The following DSG4 variants were observed in gnomAD, a reference collection of about 807,000 sequenced individuals.
The protein encoded by DSG4 is desmoglein-4.
A neutral mutation model predicts 93.1 loss-of-function variants in DSG4; 87 were observed. The ratio of observed to expected loss-of-function variants is 0.93; its 90% CI spans 0.79 to 1.12. The LOEUF is 1.12. Among genes scored for constraint, DSG4 ranks in the 50% most tolerant of loss-of-function variants. The pLI is 0.00. For synonymous variants in DSG4, 432 were observed against 452.9 expected (o/e 0.95, Z 0.59); for missense variants, 1,373 against 1,285.7 (o/e 1.07, Z -1.04).
At chr18:31,396,354 CTTTT>C (rs71383035) in intron 8 of DSG4, among the ~76,000 whole-genome samples, 9 of 74,008 alleles carry the variant, frequency 1.2e-4, no homozygotes, top group East Asian at 1.1e-3. Flanking sequence ...AGGGTCATTG[CTTTT>C]TTTTTTTTTT....
chr18:31,381,278 G>A (rs150519683), intron 1 of DSG4, among the ~76,000 whole-genome samples: 1 of 152,084 alleles, frequency 6.6e-6, no homozygotes, highest in South Asian at 2.1e-4. Context: ...GAAGCTGCCA[G>A]CCACTACATT....
At position 31,392,146 on chromosome 18, in the gene DSG4, G is replaced by T; in HGVS notation, c.820-9G>T. 6.2e-7 allele frequency: 1 copy of T among 1,613,114 alleles called. No individual in the cohort carries two copies. Among genetic ancestry groups the T allele is most frequent in the Non-Finnish European group, 8.5e-7 (1 of 1,179,404 alleles). On this transcript the variant is annotated splice_polypyrimidine_tract_variant and intron_variant, in intron 7 of 15. Coordinates refer to ENST00000308128, the MANE Select transcript of DSG4 (RefSeq NM_177986.5). Reference sequence around the variant, plus strand: ...TTCATTGACTACAAAATTGATCCTTGCATTTTAGTACTCAGCCAGTATTGA... The same window carrying T: ...TTCATTGACTACAAAATTGATCCTTTCATTTTAGTACTCAGCCAGTATTGA...
chr18:31,402,120 A>G (rs2072374559), intron 10 of DSG4, among the ~76,000 whole-genome samples: 1 of 152,246 alleles, frequency 6.6e-6, no homozygotes, highest in African/African-American at 2.4e-5. Flanking sequence ...ATTCCAAGCA[A>G]ATAAAGAGAG....
In DSG4 at chr18:31,413,608, C is replaced by A; in HGVS notation, c.*13C>A. On this transcript the variant is annotated 3_prime_UTR_variant, in exon 16 of 16. Transcript: ENST00000308128. ...CACCCAACAGTAAGTGCTTTATGGT[C>A]AGTATTCTATGTGGAGACCTTGCAC... 3 of 1,611,440 alleles carry A rather than the reference C, an allele frequency of 1.9e-6. No individual in the cohort carries two copies. The South Asian group carries it at 3.3e-5, about 18-fold the overall frequency.
chr18:31,391,265 C>T, intron 7 of DSG4, 53 bp downstream of exon 7: 1 of 1,607,806 alleles, frequency 6.2e-7, no homozygotes, highest in Non-Finnish European at 8.5e-7. Context: ...AATCAATTTG[C>T]ATAAGTGTCA....
In DSG4 at chr18:31,411,269, G is replaced by C; in HGVS notation, c.2176G>C (p.Glu726Gln). 1 of 1,614,162 alleles carries C rather than the reference G, an allele frequency of 6.2e-7. No homozygotes were observed. The change falls in exon 15 of 16, where the codon GAA (glutamate) becomes CAA (glutamine). Residue 726 changes from glutamate (E) to glutamine (Q), a missense_variant. By Grantham distance (29) the Glu-to-Gln change is conservative. Transcript: ENST00000308128. ...TNTYAAGGTVEGGVSGVELNT... is the reference protein window; with the variant it reads ...TNTYAAGGTVQGGVSGVELNT... ...CACCTATGCAGCCGGGGGCACGGTG[G>C]AAGGAGGTGTATCGGGAGTGGAGCT...
At chr18:31,386,852 T>C (rs2072194021) in intron 3 of DSG4, 33 bp downstream of exon 3, 1 of 1,611,794 alleles carries the variant, frequency 6.2e-7, no homozygotes, top group African/African-American at 1.3e-5. Context: ...GACAAATGCT[T>C]TTGCAGAGCA....
chr18:31,406,730 G>A (rs2072431523), intron 12 of DSG4, among the ~76,000 whole-genome samples: 1 of 152,028 alleles, frequency 6.6e-6, no homozygotes, highest in African/African-American at 2.4e-5. Flanking sequence ...TTTTGGAAAA[G>A]TGGATTTTGA....
chr18:31,390,957 C>A, intron 6 of DSG4, 121 bp from the exon 7 acceptor site: 1 of 1,503,178 alleles, frequency 6.7e-7, no homozygotes, highest in Non-Finnish European at 9.0e-7. Context: ...AAATTAAAAG[C>A]TCAATTATAT....
intron 14 of DSG4, chr18:31,410,998 A>C: frequency 7.9e-7 from 1 of 1,262,386 alleles, no homozygotes; most frequent in Non-Finnish European, 1.1e-6. Flanking sequence ...AAGTCTGTGC[A>C]AATGTGGGAA....
chr18:31,411,189 A>C (rs373052321), intron 14 of DSG4, 42 bp from the exon 15 acceptor site: 2 of 1,614,158 alleles, frequency 1.2e-6, no homozygotes, highest in Non-Finnish European at 1.7e-6. Flanking sequence ...TGCGCGCTGC[A>C]GGCAACTCCA....
intron 1 of DSG4, among the ~76,000 whole-genome samples, chr18:31,383,161 C>T (rs977852881): frequency 6.6e-6 from 1 of 152,218 alleles, no homozygotes; most frequent in African/African-American, 2.4e-5. Context: ...TGAGCATTTG[C>T]TGTGCCTATC....
chr18:31,410,709 G>T (rs1272298168), intron 14 of DSG4, among the ~76,000 whole-genome samples: 1 of 152,154 alleles, frequency 6.6e-6, no homozygotes, highest in Non-Finnish European at 1.5e-5. Flanking sequence ...AACAGAGAGG[G>T]TGCTTAATTC....
At position 31,403,423 on chromosome 18, in the gene DSG4, T is replaced by C; in HGVS notation, c.1425T>C (p.Ser475=). 1 of 1,612,262 alleles carries C rather than the reference T, an allele frequency of 6.2e-7. No homozygotes were observed. The highest frequency in any genetic ancestry group is 1.1e-5 in the South Asian group (1 of 90,776). ...TGACCCTTACTCTTTCAGATGGCTC[T>C]GGAAAAACAGCTACAGGAACCATAT... ...TAEILAIDDG[S]GKTATGTICI... is the part of the protein sequence containing the mutation. Residue 475 remains serine (S), a synonymous_variant, in exon 11 of 16, where the codon TCT becomes TCC. Transcript: ENST00000308128.
In DSG4 at chr18:31,400,886, T is replaced by A. The variant is rs764957673; in HGVS notation, c.1283T>A (p.Ile428Asn). 1 of 1,612,132 alleles carries A rather than the reference T, an allele frequency of 6.2e-7. No individual in the cohort carries two copies. The highest frequency in any genetic ancestry group is 1.3e-5 in the African/African-American group (1 of 74,830). ...TGNPATDVRY[I>N]IGHDAGSWLK... ...ACTTTTTTATTTAAAAACAGATATATCATAGGGCATGATGCAGGCAGCTGG... is the reference window on the plus strand; with the variant it reads ...ACTTTTTTATTTAAAAACAGATATAACATAGGGCATGATGCAGGCAGCTGG... The change falls in exon 10 of 16, where the codon ATC becomes AAC. Residue 428 changes from isoleucine (I) to asparagine (N), a missense_variant. By Grantham distance (149) the Ile-to-Asn change is moderately radical. Transcript: ENST00000308128.
rs267606775 is a variant in DSG4, at chr18:31,390,712, T to A, written c.574T>A (p.Ser192Thr). ...TGCAGATGAAGAAAATCATCTGAAT[T>A]CTAAAATTGCCTACAAGATCGTCTC... ...TDADEENHLNSKIAYKIVSQE... is the reference protein window; with the variant it reads ...TDADEENHLNTKIAYKIVSQE... The change falls in exon 6 of 16, where the codon TCT (serine) becomes ACT (threonine). Residue 192 changes from serine to threonine, a missense_variant. Coordinates refer to ENST00000308128, the MANE Select transcript of DSG4 (RefSeq NM_177986.5). The A allele has an allele frequency of 6.2e-7, 1 of 1,613,750 alleles. No individual in the cohort carries two copies. The highest frequency in any genetic ancestry group is 8.5e-7 in the Non-Finnish European group (1 of 1,179,772).
At chr18:31,388,324 T>C in intron 3 of DSG4, 43 bp from the exon 4 acceptor site, 6 of 1,608,698 alleles carry the variant, frequency 3.7e-6, no homozygotes, top group Non-Finnish European at 5.1e-6. Context: ...TTAAGCATTA[T>C]CTGCTCTAAA....
chr18:31,413,667 T>C lies in DSG4; in HGVS notation c.*72T>C. 2 of 1,526,362 alleles carry C rather than the reference T, an allele frequency of 1.3e-6. No homozygotes were observed. Among genetic ancestry groups the C allele is most frequent in the Non-Finnish European group, 1.8e-6 (2 of 1,113,592 alleles). 94.6% of individuals were successfully genotyped at this position (1,526,362 alleles called of 1,614,324 possible). A position where few individuals can be genotyped will look rare whatever the true frequency, so the allele number is the denominator to read the frequency against. On this transcript the variant is annotated 3_prime_UTR_variant, in exon 16 of 16. Coordinates refer to ENST00000308128, the MANE Select transcript of DSG4 (RefSeq NM_177986.5). ...CATCAATACATCCACCAAAAATATA[T>C]AATGTACCATATATATTAATAGTCA... is the stretch of plus-strand genomic sequence containing the variant.
intron 9 of DSG4, among the ~76,000 whole-genome samples, chr18:31,400,019 A>G (rs1160105986): frequency 1.3e-5 from 2 of 152,208 alleles, no homozygotes; most frequent in African/African-American, 4.8e-5. Flanking sequence ...TAGAAAATTG[A>G]TAGGCATAGG....
Sources: gnomAD v4.1 joint callset for allele counts (sites outside exome capture counted in the v4.1 genomes callset) on GRCh38, gnomAD v4.1.1 for gene constraint, MANE v1.5 for transcripts, NCBI Gene and HGNC (gene_info 2026-07-23, HGNC 2026-07-21) for gene names.